Variants in VPS4B observed in about 807,000 individuals in gnomAD.
The protein encoded by VPS4B is vacuolar protein sorting 4 homolog B.
Under a neutral mutation model 56.1 loss-of-function variants are expected in VPS4B, and 23 were observed. That is an observed-to-expected ratio of 0.41 (90% CI 0.30 to 0.58). The LOEUF is 0.58. VPS4B is among the 20% of genes least tolerant of loss of function. The probability of loss-of-function intolerance (pLI) is 0.29; values close to 1 mark genes in which losing one functional copy is unlikely to be tolerated. For synonymous variants in VPS4B, 177 were observed against 186.0 expected (o/e 0.95, Z 0.39); for missense variants, 372 against 531.9 (o/e 0.70, Z 2.96).
chr18:63,414,420 A>G (rs1373180113), intron 1 of VPS4B, among the ~76,000 whole-genome samples: 2 of 152,064 alleles, frequency 1.3e-5, no homozygotes, highest in Admixed American at 6.5e-5. Context: ...TAAGCCACAT[A>G]GCAGAAATAA....
At chr18:63,400,779 G>A (rs1915792153) in intron 5 of VPS4B, 76 bp from the exon 6 acceptor site, 1 of 1,404,116 alleles carries the variant, frequency 7.1e-7, no homozygotes, top group Non-Finnish European at 9.7e-7. Flanking sequence ...GAATACTCTG[G>A]AAAGATTTTC....
At chr18:63,402,139 A>T (rs1012097600) in intron 5 of VPS4B, among the ~76,000 whole-genome samples, 2 of 152,184 alleles carry the variant, frequency 1.3e-5, no homozygotes, top group African/African-American at 4.8e-5. Flanking sequence ...CTTGAATTTC[A>T]TTTTCCTATT....
intron 4 of VPS4B, among the ~76,000 whole-genome samples, chr18:63,406,386 C>T (rs1915917185): frequency 6.6e-6 from 1 of 152,212 alleles, no homozygotes; most frequent in South Asian, 2.1e-4. Flanking sequence ...GACAAAAATA[C>T]TACCAAAACG....
chr18:63,416,581 T>C (rs575985024), intron 1 of VPS4B: 2 of 152,384 alleles, frequency 1.3e-5, no homozygotes, highest in South Asian at 2.1e-4. Context: ...CTACCCAGCC[T>C]CGTGAGTGGT....
intron 3 of VPS4B, among the ~76,000 whole-genome samples, chr18:63,409,867 A>G (rs1354783343): frequency 1.3e-5 from 2 of 152,186 alleles, no homozygotes; most frequent in Non-Finnish European, 2.9e-5. Context: ...CTATAACCTT[A>G]AGCTTCCATA....
intron 1 of VPS4B, among the ~76,000 whole-genome samples, chr18:63,412,816 C>T (rs371136167): frequency 5.9e-5 from 9 of 152,136 alleles, no homozygotes; most frequent in South Asian, 2.1e-4. Flanking sequence ...TCCACACCAC[C>T]GCACCCAGCT....
At chr18:63,415,378 G>A in intron 1 of VPS4B, 1 of 256,274 alleles carries the variant, frequency 3.9e-6, no homozygotes, top group Admixed American at 4.3e-5. Context: ...GCTGGCTACT[G>A]CTATCTCAAA....
chr18:63,420,153 T>G (rs1469266673), intron 1 of VPS4B, among the ~76,000 whole-genome samples: 1 of 152,136 alleles, frequency 6.6e-6, no homozygotes, highest in African/African-American at 2.4e-5. Flanking sequence ...AATTCAAGTA[T>G]GATGCATTCT....
chr18:63,417,974 C>T (rs976695517), intron 1 of VPS4B, among the ~76,000 whole-genome samples: 3 of 152,210 alleles, frequency 2.0e-5, no homozygotes, highest in African/African-American at 7.2e-5. Context: ...GTCCCAGGCC[C>T]TGTCTGTTGA....
In VPS4B at chr18:63,417,597, C is replaced by G. The variant is rs117983283; in HGVS notation, c.27+4636G>C. Among the ~76,000 whole-genome samples the G allele has an allele frequency of 8.5e-5, 13 of 152,216 alleles. 1 individual carries two copies. In the East Asian group the frequency reaches 2.3e-3, roughly 27 times the overall value. ...CTCATTTCTCTCTGTTTCCTCCCCC[C>G]CTACATCAGTGACTTAAGGCTGATG... is the stretch of plus-strand genomic sequence containing the variant. On this transcript the variant is annotated intron_variant, in intron 1 of 10. Coordinates refer to ENST00000238497, the MANE Select transcript of VPS4B (RefSeq NM_004869.4).
intron 1 of VPS4B, among the ~76,000 whole-genome samples, chr18:63,421,064 G>T (rs981384483): frequency 2.7e-5 from 4 of 148,138 alleles, no homozygotes; most frequent in Non-Finnish European, 6.0e-5. Flanking sequence ...AGAAAGAAAA[G>T]AAAAGGAAAA....
At chr18:63,399,962 T>G in intron 7 of VPS4B, 86 bp downstream of exon 7, 23 of 1,292,452 alleles carry the variant, frequency 1.8e-5, no homozygotes, top group East Asian at 2.6e-5. Flanking sequence ...GAGGTTGTAG[T>G]GAGCTGAGAT....
chr18:63,407,639 T>C (rs1489224358), intron 3 of VPS4B, 140 bp from the exon 4 acceptor site: 1 of 655,144 alleles, frequency 1.5e-6, no homozygotes, highest in Non-Finnish European at 2.5e-6. Flanking sequence ...GCTTACTTAT[T>C]TTAAAGAATG....
intron 3 of VPS4B, among the ~76,000 whole-genome samples, chr18:63,409,598 G>T (rs1915989191): frequency 1.3e-5 from 2 of 152,182 alleles, no homozygotes; most frequent in South Asian, 4.1e-4. Context: ...GCACAAACTT[G>T]GCACGCATAT....
chr18:63,400,782 A>G (rs1312578495), intron 5 of VPS4B, 79 bp from the exon 6 acceptor site: 2 of 1,350,558 alleles, frequency 1.5e-6, no homozygotes, highest in African/African-American at 1.5e-5. Flanking sequence ...TACTCTGGAA[A>G]GATTTTCACT....
Position 63,399,286 on chromosome 18 carries a change from TC to T in VPS4B, c.827del (p.Gly276GlufsTer39). On this transcript the variant is annotated frameshift_variant, in exon 8 of 11. Coordinates refer to ENST00000238497, the MANE Select transcript of VPS4B (RefSeq NM_004869.4). LOFTEE classifies it high-confidence loss of function. ...CCAGAACCCAGGGTATATTTGTAGC[TC>T]CCAGAACCAAAATTCCATCATTGTC... Reference protein sequence around the residue: ...GVDNDGILVLGATNIPWVLDS... With the variant: ...GVDNDGILVLXATNIPWVLDS... 6.2e-7 allele frequency: 1 copy of T among 1,614,092 alleles called. No homozygotes were observed. Among genetic ancestry groups the T allele is most frequent in the Non-Finnish European group, 8.5e-7 (1 of 1,179,966 alleles).
intron 6 of VPS4B, 78 bp from the exon 7 acceptor site, chr18:63,400,274 A>T: frequency 7.3e-7 from 1 of 1,371,922 alleles, no homozygotes; most frequent in African/African-American, 1.5e-5. Context: ...ATATTACAAG[A>T]ACTCTGTAGA....
intron 1 of VPS4B, among the ~76,000 whole-genome samples, chr18:63,412,147 A>G (rs1916058439): frequency 6.6e-6 from 1 of 152,238 alleles, no homozygotes. Flanking sequence ...TAACAAAAAC[A>G]AAACCTGGAA....
intron 6 of VPS4B, 123 bp downstream of exon 6, chr18:63,400,424 G>T: frequency 8.5e-7 from 1 of 1,176,964 alleles, no homozygotes; most frequent in Non-Finnish European, 1.2e-6. Flanking sequence ...ATTTGACAGA[G>T]AAGTGAGTAC....
Sources: allele counts gnomAD v4.1 joint callset (sites outside exome capture counted in the v4.1 genomes callset), GRCh38; gene constraint gnomAD v4.1.1; transcripts MANE v1.5; gene names NCBI Gene and HGNC (gene_info 2026-07-23, HGNC 2026-07-21).